The following SHISAL2B variants were observed in gnomAD, a reference collection of about 807,000 sequenced individuals.
The protein encoded by SHISAL2B is shisa like 2B.
Under a neutral mutation model 16.5 loss-of-function variants are expected in SHISAL2B, and 12 were observed. The ratio of observed to expected loss-of-function variants is 0.73; its 90% CI spans 0.47 to 1.18. The LOEUF is 1.18. Among genes scored for constraint, SHISAL2B ranks in the 50% most tolerant of loss-of-function variants. SHISAL2B has a pLI of 0.00. For missense variants in SHISAL2B, 183 were observed against 193.6 expected (o/e 0.95, Z 0.33); for synonymous variants, 72 against 75.0 (o/e 0.96, Z 0.21).
chr5:64,692,089 A>G (rs764723614), intron 1 of SHISAL2B, among the ~76,000 whole-genome samples: 6 of 152,182 alleles, frequency 3.9e-5, no homozygotes, highest in Non-Finnish European at 5.9e-5. Flanking sequence ...ATGTCAGAAA[A>G]TAATGATAGC....
chr5:64,707,998 G>C (rs1032107851), intron 2 of SHISAL2B, among the ~76,000 whole-genome samples: 2 of 152,024 alleles, frequency 1.3e-5, no homozygotes, highest in Non-Finnish European at 2.9e-5. Flanking sequence ...CTTTTGAAGA[G>C]GATCAAAACA....
At chr5:64,702,879 A>G (rs974317598) in intron 2 of SHISAL2B, among the ~76,000 whole-genome samples, 3 of 152,076 alleles carry the variant, frequency 2.0e-5, no homozygotes, top group African/African-American at 4.8e-5. Context: ...CTAAATTCTT[A>G]TATATATTGT....
At chr5:64,716,596 T>G (rs1580529999) in intron 2 of SHISAL2B, among the ~76,000 whole-genome samples, 1 of 152,184 alleles carries the variant, frequency 6.6e-6, no homozygotes, top group Non-Finnish European at 1.5e-5. Flanking sequence ...TTTGGGTAGG[T>G]CTTATTGAGA....
chr5:64,707,031 TG>T (rs1322232703), intron 2 of SHISAL2B, among the ~76,000 whole-genome samples: 8 of 152,150 alleles, frequency 5.3e-5, no homozygotes, highest in Non-Finnish European at 1.2e-4. Flanking sequence ...TAATAACAGG[TG>T]TACTATAGCT....
At chr5:64,701,256 A>C (rs1741806319) in intron 2 of SHISAL2B, among the ~76,000 whole-genome samples, 1 of 152,164 alleles carries the variant, frequency 6.6e-6, no homozygotes, top group African/African-American at 2.4e-5. Context: ...ATGGATATGG[A>C]GGGCCAACTA....
At chr5:64,709,332 C>A (rs886438058) in intron 2 of SHISAL2B, among the ~76,000 whole-genome samples, 2 of 151,582 alleles carry the variant, frequency 1.3e-5, no homozygotes, top group Non-Finnish European at 2.9e-5. Context: ...ATGATGGTTT[C>A]CAGTCTCATC....
At chr5:64,714,341 T>A (rs1336901888) in intron 2 of SHISAL2B, among the ~76,000 whole-genome samples, 1 of 141,920 alleles carries the variant, frequency 7.0e-6, no homozygotes, top group Admixed American at 6.9e-5. Flanking sequence ...TGCCTCCCAG[T>A]TAGGTTGCTC....
Position 64,690,749 on chromosome 5 carries a change from C to T in SHISAL2B, c.126C>T (p.Leu42=), listed in dbSNP as rs778766085. The T allele has an allele frequency of 3.1e-5, 48 of 1,542,698 alleles. No homozygotes were observed. Among genetic ancestry groups the T allele is most frequent in the East Asian group, 1.5e-4 (6 of 41,012 alleles). ...AGTATTGCTGCGGCTTCGCCGACCTCAAGTACTGCTGCAGCGAGCCGGGCA... is the reference window on the plus strand; with the variant it reads ...AGTATTGCTGCGGCTTCGCCGACCTTAAGTACTGCTGCAGCGAGCCGGGCA... ...ALQYCCGFAD[L]KYCCSEPGSY... Residue 42 remains leucine, a synonymous_variant, in exon 1 of 3, where the codon CTC becomes CTT. Coordinates refer to ENST00000389074, the MANE Select transcript of SHISAL2B (RefSeq NM_001164442.2).
At chr5:64,707,521 G>C (rs945643264) in intron 2 of SHISAL2B, among the ~76,000 whole-genome samples, 1 of 152,188 alleles carries the variant, frequency 6.6e-6, no homozygotes, top group Non-Finnish European at 1.5e-5. Context: ...TCTATTCAAA[G>C]CCTTGGTAAA....
At chr5:64,712,521 T>C (rs1466450156) in intron 2 of SHISAL2B, among the ~76,000 whole-genome samples, 1 of 150,848 alleles carries the variant, frequency 6.6e-6, no homozygotes, top group Non-Finnish European at 1.5e-5. Context: ...TTCTGTTGAT[T>C]TGGGGTGGAG....
At chr5:64,707,341 C>T (rs1193925075) in intron 2 of SHISAL2B, among the ~76,000 whole-genome samples, 1 of 152,072 alleles carries the variant, frequency 6.6e-6, no homozygotes, top group Non-Finnish European at 1.5e-5. Context: ...TCTTGAGGTC[C>T]CAGGATAACT....
At position 64,690,542 on chromosome 5, in the gene SHISAL2B, C is replaced by A; in HGVS notation, c.-82C>A. On this transcript the variant is annotated 5_prime_UTR_variant, in exon 1 of 3. Coordinates refer to ENST00000389074, the MANE Select transcript of SHISAL2B (RefSeq NM_001164442.2). ...AAGAGCCGAGTCCGGGCAGAGGGGT[C>A]CGCGGGCTCTGGAGGTGCTGGACGG... The A allele has an allele frequency of 8.2e-7, 1 of 1,215,780 alleles. No individual in the cohort carries two copies. The highest frequency in any genetic ancestry group is 1.9e-5 in the South Asian group (1 of 53,408). The allele number at this position is 1,215,780 out of a possible 1,614,324, so 75.3% of individuals were successfully genotyped here. A position where few individuals can be genotyped will look rare whatever the true frequency, so the allele number is the denominator to read the frequency against.
chr5:64,703,358 TTAAA>T (rs1271897887), intron 2 of SHISAL2B, among the ~76,000 whole-genome samples: 4 of 152,214 alleles, frequency 2.6e-5, no homozygotes, highest in African/African-American at 9.6e-5. Flanking sequence ...CTGTGTCCCT[TTAAA>T]TAGAAAGACG....
At position 64,706,566 on chromosome 5, in the gene SHISAL2B, A is replaced by G. The variant is rs1391818947; in HGVS notation, c.349+10902A>G. Among the ~76,000 whole-genome samples the G allele has an allele frequency of 2.0e-5, 3 of 152,222 alleles. No individual in the cohort carries two copies. The South Asian group carries it at 6.2e-4, about 31-fold the overall frequency. On this transcript the variant is annotated intron_variant, in intron 2 of 2. Coordinates refer to ENST00000389074, the MANE Select transcript of SHISAL2B (RefSeq NM_001164442.2). ...TTAGAAGAAAAATGAGTCTGGTCTC[A>G]GGTTTTGTCTGATCTCTCATGGCTA...
chr5:64,716,566 G>C (rs1430757169), intron 2 of SHISAL2B, among the ~76,000 whole-genome samples: 1 of 152,162 alleles, frequency 6.6e-6, no homozygotes, highest in African/African-American at 2.4e-5. Flanking sequence ...GGATATGGAG[G>C]CTGCAATTTT....
At chr5:64,704,612 ATAAAT>A (rs1406683110) in intron 2 of SHISAL2B, among the ~76,000 whole-genome samples, 3 of 152,368 alleles carry the variant, frequency 2.0e-5, no homozygotes, top group South Asian at 4.1e-4. Context: ...AATGAGAAAA[ATAAAT>A]TAAATAAGAA....
intron 1 of SHISAL2B, among the ~76,000 whole-genome samples, chr5:64,691,857 C>A (rs1580516563): frequency 6.6e-6 from 1 of 152,098 alleles, no homozygotes; most frequent in African/African-American, 2.4e-5. Context: ...ATGGAGTCTG[C>A]TAGTAAGAGG....
intron 2 of SHISAL2B, among the ~76,000 whole-genome samples, chr5:64,709,560 G>C (rs1246946736): frequency 6.6e-6 from 1 of 151,248 alleles, no homozygotes; most frequent in Non-Finnish European, 1.5e-5. Flanking sequence ...CCTAGTAATG[G>C]GATGGCTGGG....
At chr5:64,713,538 GAGT>G (rs1162615934) in intron 2 of SHISAL2B, among the ~76,000 whole-genome samples, 1 of 112,450 alleles carries the variant, frequency 8.9e-6, no homozygotes, top group Non-Finnish European at 1.7e-5. Context: ...TCTTCTCAAG[GAGT>G]ATCTTTGTGG....
Sources: gnomAD v4.1 joint callset for allele counts (sites outside exome capture counted in the v4.1 genomes callset) on GRCh38, gnomAD v4.1.1 for gene constraint, MANE v1.5 for transcripts, NCBI Gene and HGNC (gene_info 2026-07-23, HGNC 2026-07-21) for gene names.